BMP2K: variants seen among roughly 807,000 people sequenced by gnomAD.
BMP2K encodes the protein BMP-2-inducible protein kinase.
Under a neutral mutation model 116.0 loss-of-function variants are expected in BMP2K, and 74 were observed. The observed-to-expected ratio is 0.64, with a 90% CI of 0.53 to 0.77. BMP2K has a LOEUF of 0.77. BMP2K is among the 30% of genes least tolerant of loss of function. BMP2K has a pLI of 0.00. For missense variants in BMP2K, 1,365 were observed against 1,403.6 expected (o/e 0.97, Z 0.44); for synonymous variants, 486 against 502.5 (o/e 0.97, Z 0.44).
intron 14 of BMP2K, chr4:78,879,096 C>G (rs1469292285): frequency 7.6e-7 from 1 of 1,314,994 alleles, no homozygotes; most frequent in Non-Finnish European, 9.7e-7. Context: ...GCTATTAAAC[C>G]CAATATTGCT....
intron 15 of BMP2K, among the ~76,000 whole-genome samples, chr4:78,896,848 A>G (rs566592546): frequency 6.6e-6 from 1 of 152,220 alleles, no homozygotes; most frequent in African/African-American, 2.4e-5. Context: ...GGCACATGAC[A>G]TTATTCCTAG....
Position 78,864,247 on chromosome 4 carries a change from TAAAGAG to T in BMP2K, c.1068-1308_1068-1303del, listed in dbSNP as rs201614929. Among the ~76,000 whole-genome samples, 310 of 152,218 alleles carry T rather than the reference TAAAGAG, an allele frequency of 2.0e-3. 4 individuals are homozygous for T. Among genetic ancestry groups the T allele is most frequent in the African/African-American group, 6.6e-3 (275 of 41,548 alleles). ...AGCCGTTTAATACAGAATGGATAGT[TAAAGAG>T]AGAGATTGTGTACAATATTTCCCCC... On this transcript the variant is annotated intron_variant, in intron 9 of 15. Coordinates refer to ENST00000502613, the MANE Select transcript of BMP2K (RefSeq NM_198892.2).
rs1022243928 is a variant in BMP2K at position 78,912,741 on chromosome 4, T to G, written c.*708T>G. 6.6e-6 allele frequency: 1 copy of G among 152,138 alleles called. No individual in the cohort carries two copies. The highest frequency in any genetic ancestry group is 2.4e-5 in the African/African-American group (1 of 41,440). The allele number at this position is 152,138 out of a possible 1,614,324, so 9.4% of individuals were successfully genotyped here. On this transcript the variant is annotated 3_prime_UTR_variant, in exon 16 of 16. Coordinates refer to ENST00000502613, the MANE Select transcript of BMP2K (RefSeq NM_198892.2). ...AAAACAATGTTATACATGATAAATA[T>G]ATATAATTTTTGTCAGTTAAAACAA...
At chr4:78,809,451 C>G (rs1046134353) in intron 1 of BMP2K, among the ~76,000 whole-genome samples, 1 of 151,864 alleles carries the variant, frequency 6.6e-6, no homozygotes, top group African/African-American at 2.4e-5. Flanking sequence ...GACCTTGGCT[C>G]ACTGCAGCCT....
At chr4:78,834,488 C>G (rs1408622018) in intron 3 of BMP2K, among the ~76,000 whole-genome samples, 1 of 152,070 alleles carries the variant, frequency 6.6e-6, no homozygotes, top group East Asian at 1.9e-4. Flanking sequence ...GTCTCGATCT[C>G]CTGACCTCGT....
rs186578125 is a variant in BMP2K at position 78,806,248 on chromosome 4, G to A, written c.179-19789G>A. 2.6e-3 allele frequency among the ~76,000 whole-genome samples: 393 copies of A among 152,096 alleles called. 1 individual carries two copies. Among genetic ancestry groups the A allele is most frequent in the Non-Finnish European group, 4.4e-3 (301 of 67,982 alleles). ...ACTGTGTTGCCCAGGCTGAAGTGCA[G>A]TGGCACAACCTAGAACTCCTGGACT... On this transcript the variant is annotated intron_variant, in intron 1 of 15. Coordinates refer to ENST00000502613, the MANE Select transcript of BMP2K (RefSeq NM_198892.2).
At chr4:78,853,835 T>C (rs1458425326) in intron 7 of BMP2K, among the ~76,000 whole-genome samples, 1 of 152,150 alleles carries the variant, frequency 6.6e-6, no homozygotes, top group Non-Finnish European at 1.5e-5. Flanking sequence ...AGAGATAGCC[T>C]TTAATACTAT....
intron 6 of BMP2K, among the ~76,000 whole-genome samples, chr4:78,847,748 G>A (rs1731078860): frequency 1.3e-5 from 2 of 151,552 alleles, no homozygotes; most frequent in South Asian, 4.2e-4. Context: ...CATTTAGCCT[G>A]TATATATCTG....
At chr4:78,889,220 CAAAAAAAAAAAAA>C (rs71661191) in intron 15 of BMP2K, among the ~76,000 whole-genome samples, 1 of 53,754 alleles carries the variant, frequency 1.9e-5, no homozygotes, top group Non-Finnish European at 4.0e-5. Flanking sequence ...GACTCTGTCT[CAAAAAAAAAAAAA>C]AAAAAAAAAG....
At chr4:78,779,511 G>T (rs987894675) in intron 1 of BMP2K, among the ~76,000 whole-genome samples, 3 of 152,226 alleles carry the variant, frequency 2.0e-5, no homozygotes, top group Admixed American at 1.3e-4. Context: ...TTTACACTAT[G>T]TAAGCTGAAA....
chr4:78,871,252 T>C (rs200388426), intron 11 of BMP2K, among the ~76,000 whole-genome samples, 192 bp downstream of exon 11: 5 of 152,202 alleles, frequency 3.3e-5, no homozygotes, highest in Admixed American at 2.0e-4. Flanking sequence ...TACTGTAAAA[T>C]AGGTTGCATT....
chr4:78,792,840 G>A (rs867073192), intron 1 of BMP2K, among the ~76,000 whole-genome samples: 1 of 152,110 alleles, frequency 6.6e-6, no homozygotes, highest in Non-Finnish European at 1.5e-5. Flanking sequence ...TAATTATCAT[G>A]TTTTGCTACA....
intron 1 of BMP2K, among the ~76,000 whole-genome samples, chr4:78,778,281 A>C (rs960847419): frequency 2.6e-5 from 4 of 152,352 alleles, no homozygotes; most frequent in Admixed American, 2.0e-4. Context: ...CACTACCCTA[A>C]GCATATCTTA....
chr4:78,852,007 TC>T (rs1375070304), intron 7 of BMP2K, among the ~76,000 whole-genome samples: 1 of 151,890 alleles, frequency 6.6e-6, no homozygotes, highest in Non-Finnish European at 1.5e-5. Flanking sequence ...CTCGTGTAAA[TC>T]ATAAAGAAAA....
intron 15 of BMP2K, among the ~76,000 whole-genome samples, chr4:78,902,872 G>T (rs1161502623): frequency 6.6e-6 from 1 of 152,066 alleles, no homozygotes; most frequent in East Asian, 1.9e-4. Context: ...GTTTATAAAG[G>T]TTTATTTAAT....
Position 78,776,483 on chromosome 4 carries a change from G to C in BMP2K, c.-61G>C, listed in dbSNP as rs1454020427. ...CGACCCCTCGCGGACGCCCGGCTGCGCGCCGGGCCGGGGACTTGCCCTTGC... is the reference window on the plus strand; with the variant it reads ...CGACCCCTCGCGGACGCCCGGCTGCCCGCCGGGCCGGGGACTTGCCCTTGC... On this transcript the variant is annotated 5_prime_UTR_variant, in exon 1 of 16. Coordinates refer to ENST00000502613, the MANE Select transcript of BMP2K (RefSeq NM_198892.2). 7.2e-6 allele frequency: 8 copies of C among 1,112,414 alleles called. No homozygotes were observed. Among genetic ancestry groups the C allele is most frequent in the African/African-American group, 1.7e-5 (1 of 60,046 alleles). 68.9% of individuals were successfully genotyped at this position (1,112,414 alleles called of 1,614,324 possible).
intron 15 of BMP2K, among the ~76,000 whole-genome samples, chr4:78,892,277 T>G (rs906186621): frequency 6.6e-6 from 1 of 152,214 alleles, no homozygotes; most frequent in Admixed American, 6.5e-5. Context: ...TAGGGCCGTT[T>G]AGATGTTCAG....
At chr4:78,812,910 GGT>G (rs1228313591) in intron 1 of BMP2K, among the ~76,000 whole-genome samples, 1 of 152,034 alleles carries the variant, frequency 6.6e-6, no homozygotes, top group East Asian at 1.9e-4. Flanking sequence ...CTGGCATGGT[GGT>G]GTGTGCCTGT....
At chr4:78,784,046 A>G (rs1727625859) in intron 1 of BMP2K, among the ~76,000 whole-genome samples, 1 of 152,160 alleles carries the variant, frequency 6.6e-6, no homozygotes, top group African/African-American at 2.4e-5. Flanking sequence ...AAGGTCCTTG[A>G]TGTTGTCAAT....
Sources: gnomAD v4.1 joint callset for allele counts (sites outside exome capture counted in the v4.1 genomes callset) on GRCh38, gnomAD v4.1.1 for gene constraint, MANE v1.5 for transcripts, NCBI Gene and HGNC (gene_info 2026-07-23, HGNC 2026-07-21) for gene names.